Variants in BBS9 observed in about 807,000 individuals in gnomAD.
The protein encoded by BBS9 is protein PTHB1.
BBS9 carries 89 observed loss-of-function variants against 117.7 expected under a neutral mutation model. The observed-to-expected ratio is 0.76, with a 90% CI of 0.64 to 0.90. The LOEUF is 0.90. Ranked by LOEUF, BBS9 falls within the 40% of genes least tolerant of loss-of-function variation. BBS9 has a pLI of 0.00. For missense variants in BBS9, 982 were observed against 1,042.2 expected (o/e 0.94, Z 0.80); for synonymous variants, 379 against 370.9 (o/e 1.02, Z -0.25).
rs1260939398 is a variant in BBS9 at position 33,336,456 on chromosome 7, G to T, written c.1032G>T (p.Val344=). The T allele has an allele frequency of 1.9e-6, 3 of 1,613,652 alleles. No homozygotes were observed. The highest frequency in any genetic ancestry group is 2.5e-6 in the Non-Finnish European group (3 of 1,179,664). Residue 344 remains valine (V), a synonymous_variant, in exon 10 of 23, where the codon GTG becomes GTT. Coordinates refer to ENST00000242067, the MANE Select transcript of BBS9 (RefSeq NM_198428.3). The part of the protein sequence containing the change: ...RVGCLHDLKG[V]IVTLSDDGHL... ...CTTATTGTAGTGATTTAAAGGGAGT[G>T]ATAGTCACTCTGAGTGATGATGGTC...
intron 17 of BBS9, among the ~76,000 whole-genome samples, chr7:33,377,203 A>G (rs1416635975): frequency 6.6e-6 from 1 of 152,186 alleles, no homozygotes; most frequent in African/African-American, 2.4e-5. Context: ...TCTTTAACCC[A>G]TCTTGAGTTG....
At chr7:33,479,809 T>G (rs1381263702) in intron 19 of BBS9, among the ~76,000 whole-genome samples, 1 of 152,208 alleles carries the variant, frequency 6.6e-6, no homozygotes, top group Non-Finnish European at 1.5e-5. Context: ...TTGGTTTTGA[T>G]TTGTGTATCA....
rs762793007 is a variant in BBS9, at chr7:33,333,498, T to G, written c.1017-2943T>G. The stretch of plus-strand genomic sequence containing the variant: ...TTCATATCTTTGCAAATGACATGAA[T>G]AGACAATTCTCAAAAGAAGATTTTT... On this transcript the variant is annotated intron_variant, in intron 9 of 22. Coordinates refer to ENST00000242067, the MANE Select transcript of BBS9 (RefSeq NM_198428.3). Among the ~76,000 whole-genome samples the G allele has an allele frequency of 1.0e-3, 153 of 152,240 alleles. 1 individual carries two copies. Among genetic ancestry groups the G allele is most frequent in the Non-Finnish European group, 2.2e-4 (15 of 68,006 alleles).
At chr7:33,575,867 A>G (rs1169656483) in intron 21 of BBS9, among the ~76,000 whole-genome samples, 1 of 152,226 alleles carries the variant, frequency 6.6e-6, no homozygotes, top group African/African-American at 2.4e-5. Flanking sequence ...CCTTCATGCT[A>G]AAAACTCTCA....
intron 5 of BBS9, among the ~76,000 whole-genome samples, chr7:33,231,529 A>C (rs1231135581): frequency 7.0e-6 from 1 of 142,762 alleles, no homozygotes; most frequent in Non-Finnish European, 1.5e-5. Context: ...TTTGTTTTTC[A>C]TTCTCAGAAT....
rs1562773513 is a variant in BBS9, at chr7:33,193,421, C to CGTTTTTTTTTTTTT, written c.442+15830_442+15831insGTTTTTTTTTTTTT. Among the ~76,000 whole-genome samples, 11 of 67,792 alleles carry CGTTTTTTTTTTTTT rather than the reference C, an allele frequency of 1.6e-4. 4 individuals are homozygous for CGTTTTTTTTTTTTT. The highest frequency in any genetic ancestry group is 3.2e-4 in the Admixed American group (2 of 6,192). 44.5% of individuals were successfully genotyped at this position (67,792 alleles called of 152,430 possible). A position where few individuals can be genotyped will look rare whatever the true frequency, so the allele number is the denominator to read the frequency against. On this transcript the variant is annotated intron_variant, in intron 5 of 22. Transcript: ENST00000242067. The stretch of plus-strand genomic sequence containing the variant: ...TTGTCTTCCCCTGTCCCTCTCTCTG[C>CGTTTTTTTTTTTTT]CTTTTTTTTTTTTTTTTTTTGTAGT...
chr7:33,232,142 T>G (rs1792577463), intron 5 of BBS9, among the ~76,000 whole-genome samples: 1 of 152,180 alleles, frequency 6.6e-6, no homozygotes, highest in African/African-American at 2.4e-5. Flanking sequence ...AGTCATAAAT[T>G]AATGGATTAG....
intron 19 of BBS9, among the ~76,000 whole-genome samples, chr7:33,392,359 A>G (rs1432426067): frequency 6.6e-6 from 1 of 152,154 alleles, no homozygotes; most frequent in Non-Finnish European, 1.5e-5. Flanking sequence ...GGGACTGGAT[A>G]GCTAGGATGT....
downstream of BBS9, among the ~76,000 whole-genome samples, chr7:33,607,448 A>C (rs1163432329): frequency 6.6e-6 from 1 of 152,168 alleles, no homozygotes; most frequent in Non-Finnish European, 1.5e-5. Flanking sequence ...AATAAGATGA[A>C]TAAAAATTCT....
chr7:33,144,900 A>G (rs1792090723), intron 1 of BBS9, among the ~76,000 whole-genome samples: 1 of 152,260 alleles, frequency 6.6e-6, no homozygotes, highest in South Asian at 2.1e-4. Flanking sequence ...GGATCTATTG[A>G]GATGTAATCC....
intron 5 of BBS9, among the ~76,000 whole-genome samples, chr7:33,181,819 C>T (rs1051907516): frequency 5.9e-5 from 9 of 152,236 alleles, no homozygotes; most frequent in Non-Finnish European, 1.3e-4. Context: ...CGTGGTGGCT[C>T]ACGCCTGTAA....
intron 21 of BBS9, among the ~76,000 whole-genome samples, chr7:33,628,086 A>C (rs1484718738): frequency 6.6e-6 from 1 of 152,204 alleles, no homozygotes; most frequent in Non-Finnish European, 1.5e-5. Flanking sequence ...AATTTTGTCA[A>C]AGATTTAATG....
intron 21 of BBS9, among the ~76,000 whole-genome samples, chr7:33,590,466 T>G (rs1424236453): frequency 2.2e-4 from 30 of 139,472 alleles, no homozygotes; most frequent in South Asian, 4.5e-4. Context: ...TTTGTTTTTT[T>G]TTTTTTTTTT....
intron 13 of BBS9, among the ~76,000 whole-genome samples, chr7:33,350,042 T>C (rs1818334302): frequency 6.6e-6 from 1 of 152,240 alleles, no homozygotes; most frequent in South Asian, 2.1e-4. Context: ...AGACATGTCA[T>C]TAATGGCAAC....
chr7:33,464,645 G>A (rs557099724), intron 19 of BBS9, among the ~76,000 whole-genome samples: 1 of 151,866 alleles, frequency 6.6e-6, no homozygotes, highest in South Asian at 2.1e-4. Flanking sequence ...CTGTTAGGTT[G>A]TAAATAAAAA....
At chr7:33,610,411 A>G (rs555173192), downstream of BBS9, among the ~76,000 whole-genome samples, 6 of 152,226 alleles carry the variant, frequency 3.9e-5, no homozygotes, top group Non-Finnish European at 7.4e-5. Flanking sequence ...AAGGTTTGGT[A>G]TCTGGTAAGG....
At chr7:33,550,711 AG>A (rs1854282117) in intron 21 of BBS9, among the ~76,000 whole-genome samples, 1 of 152,330 alleles carries the variant, frequency 6.6e-6, no homozygotes, top group Admixed American at 6.5e-5. Context: ...TTGTTGGAAT[AG>A]TCAAGTCCTG....
intron 9 of BBS9, among the ~76,000 whole-genome samples, chr7:33,275,591 A>G (rs1201688978): frequency 6.6e-6 from 1 of 152,220 alleles, no homozygotes; most frequent in African/African-American, 2.4e-5. Flanking sequence ...ATTTTGACTT[A>G]TAATCTTCAT....
At chr7:33,504,228 T>C (rs1845839270) in intron 19 of BBS9, among the ~76,000 whole-genome samples, 1 of 152,180 alleles carries the variant, frequency 6.6e-6, no homozygotes, top group African/African-American at 2.4e-5. Flanking sequence ...AAATGTGAAT[T>C]GTCATTGCCT....
Sources: gnomAD v4.1 joint callset for allele counts (sites outside exome capture counted in the v4.1 genomes callset) on GRCh38, gnomAD v4.1.1 for gene constraint, MANE v1.5 for transcripts, NCBI Gene and HGNC (gene_info 2026-07-23, HGNC 2026-07-21) for gene names.